Variants in MFSD6 observed in about 807,000 individuals in gnomAD.
MFSD6 encodes major facilitator superfamily domain containing 6.
MFSD6 carries 26 observed loss-of-function variants against 56.3 expected under a neutral mutation model. The observed-to-expected ratio is 0.46, with a 90% CI of 0.34 to 0.64. The LOEUF (loss-of-function observed/expected upper bound fraction) is 0.64, where lower values mean the gene tolerates loss of function less well. Among genes scored for constraint, MFSD6 ranks in the 30% least tolerant of loss-of-function variants. MFSD6 has a pLI of 0.01. For missense variants in MFSD6, 750 were observed against 986.2 expected (o/e 0.76, Z 3.21); for synonymous variants, 331 against 366.9 (o/e 0.90, Z 1.12).
At position 190,487,065 on chromosome 2, in the gene MFSD6, T is replaced by C. The variant is rs986340271; in HGVS notation, c.1631-1592T>C. On this transcript the variant is annotated intron_variant, in intron 4 of 7. Coordinates refer to ENST00000392328, the MANE Select transcript of MFSD6 (RefSeq NM_017694.4). The surrounding 1 kb of genome is among the most constrained non-coding windows in gnomAD (Gnocchi z 5.5). ...TAACTGAACTATATATTAAGAAGCA[T>C]GGCTGGGTGCAGTGGCTCACTAATC... 6.6e-6 allele frequency among the ~76,000 whole-genome samples: 1 copy of C among 152,196 alleles called. No individual in the cohort carries two copies. Among genetic ancestry groups the C allele is most frequent in the African/African-American group, 2.4e-5 (1 of 41,448 alleles).
In MFSD6 at chr2:190,431,549, A is replaced by C. The variant is rs1245917168; in HGVS notation, c.-53-4428A>C. Among the ~76,000 whole-genome samples, 1 of 152,210 alleles carries C rather than the reference A, an allele frequency of 6.6e-6. No homozygotes were observed. Among genetic ancestry groups the C allele is most frequent in the Non-Finnish European group, 1.5e-5 (1 of 68,034 alleles). ...GAAACCCCGTCTCCACCAAAAAAAT[A>C]CGAAAACCAGTCAGGTGTGGCGGCG... is the stretch of plus-strand genomic sequence containing the variant. On this transcript the variant is annotated intron_variant, in intron 2 of 7. Coordinates refer to ENST00000392328, the MANE Select transcript of MFSD6 (RefSeq NM_017694.4). This position sits in a 1 kb window ranked among gnomAD's most constrained non-coding sequence, Gnocchi z 4.4.
chr2:190,500,371 A>C lies in MFSD6; in HGVS notation c.*153A>C. On this transcript the variant is annotated 3_prime_UTR_variant, in exon 8 of 8. Coordinates refer to ENST00000392328, the MANE Select transcript of MFSD6 (RefSeq NM_017694.4). The surrounding 1 kb of genome is among the most constrained non-coding windows in gnomAD (Gnocchi z 5.3). ...AACTCATTAACATGGAAACACACAC[A>C]CAGGAGCTACAGTACATATTGGCAG... 1 of 741,384 alleles carries C rather than the reference A, an allele frequency of 1.3e-6. No individual in the cohort carries two copies. Among genetic ancestry groups the C allele is most frequent in the Non-Finnish European group, 2.2e-6 (1 of 461,026 alleles). 45.9% of individuals were successfully genotyped at this position (741,384 alleles called of 1,614,324 possible).
At position 190,497,134 on chromosome 2, in the gene MFSD6, G is replaced by C. The variant is rs1403020849; in HGVS notation, c.1892-305G>C. On this transcript the variant is annotated intron_variant, in intron 6 of 7. Transcript: ENST00000392328. This position sits in a 1 kb window ranked among gnomAD's most constrained non-coding sequence, Gnocchi z 5.2. ...CTTTTTAATCATAATCCTGTAAATG[G>C]GCCTAAGGCAACACTCATTATAACC... 6.6e-6 allele frequency among the ~76,000 whole-genome samples: 1 copy of C among 151,848 alleles called. No individual in the cohort carries two copies. The highest frequency in any genetic ancestry group is 2.4e-5 in the African/African-American group (1 of 41,322).
Position 190,462,799 on chromosome 2 carries a change from C to G in MFSD6, c.1533-6959C>G, listed in dbSNP as rs1205252036. On this transcript the variant is annotated intron_variant, in intron 3 of 7. Transcript: ENST00000392328. This position sits in a 1 kb window ranked among gnomAD's most constrained non-coding sequence, Gnocchi z 5.7. ...AGGGAGAGAGATACTGTCAGCCCTG[C>G]TACTTCTAGATAAGCACTTGGTCTG... is the stretch of plus-strand genomic sequence containing the variant. Among the ~76,000 whole-genome samples, 4 of 152,204 alleles carry G rather than the reference C, an allele frequency of 2.6e-5. No individual in the cohort carries two copies. Among genetic ancestry groups the G allele is most frequent in the Non-Finnish European group, 5.9e-5 (4 of 68,030 alleles).
intron 4 of MFSD6, among the ~76,000 whole-genome samples, chr2:190,481,919 CAG>C (rs1203490065): frequency 1.3e-5 from 2 of 152,348 alleles, no homozygotes; most frequent in South Asian, 4.1e-4. Context: ...CCAACTCTGA[CAG>C]AGAGACTGGC....
Position 190,458,501 on chromosome 2 carries a change from T to C in MFSD6, c.1533-11257T>C, listed in dbSNP as rs1687157280. Among the ~76,000 whole-genome samples, 1 of 152,188 alleles carries C rather than the reference T, an allele frequency of 6.6e-6. No homozygotes were observed. Among genetic ancestry groups the C allele is most frequent in the Admixed American group, 6.5e-5 (1 of 15,278 alleles). ...AGAACTGTGAGAAAATAAATTTCTG[T>C]TGTTGAAGCCACCCAGTCTGTGGTA... On this transcript the variant is annotated intron_variant, in intron 3 of 7. Transcript: ENST00000392328. This position sits in a 1 kb window ranked among gnomAD's most constrained non-coding sequence, Gnocchi z 5.3.
chr2:190,476,975 G>A (rs1222726129), intron 4 of MFSD6, among the ~76,000 whole-genome samples: 3 of 146,046 alleles, frequency 2.1e-5, no homozygotes, highest in Non-Finnish European at 3.0e-5. Context: ...AACACCGCAT[G>A]TTCTCACTCA....
In MFSD6 at chr2:190,497,334, T is replaced by C; in HGVS notation, c.1892-105T>C. 7.7e-7 allele frequency: 1 copy of C among 1,291,496 alleles called. No homozygotes were observed. The highest frequency in any genetic ancestry group is 1.1e-6 in the Non-Finnish European group (1 of 942,916). The allele number at this position is 1,291,496 out of a possible 1,614,324, so 80.0% of individuals were successfully genotyped here. ...GCAATTTATTAATATTATCAAGCAC[T>C]CTGGAATGGGTATATGGGATTCTTG... On this transcript the variant is annotated intron_variant, in intron 6 of 7. Coordinates refer to ENST00000392328, the MANE Select transcript of MFSD6 (RefSeq NM_017694.4). The surrounding 1 kb of genome is among the most constrained non-coding windows in gnomAD (Gnocchi z 5.2).
chr2:190,443,364 G>A lies in MFSD6; in HGVS notation c.1532+5803G>A, dbSNP rs190057773. On this transcript the variant is annotated intron_variant, in intron 3 of 7. Transcript: ENST00000392328. The surrounding 1 kb of genome is among the most constrained non-coding windows in gnomAD (Gnocchi z 4.2). ...GGATATTATTAGTACCTGCTTCTTA[G>A]GGTTTTTTATGAAGACTAGATGAGA... Among the ~76,000 whole-genome samples, 2 of 152,174 alleles carry A rather than the reference G, an allele frequency of 1.3e-5. No individual in the cohort carries two copies. Among genetic ancestry groups the A allele is most frequent in the Admixed American group, 1.3e-4 (2 of 15,286 alleles).
chr2:190,431,072 G>A lies in MFSD6; in HGVS notation c.-53-4905G>A, dbSNP rs1467242075. On this transcript the variant is annotated intron_variant, in intron 2 of 7. Transcript: ENST00000392328. This position sits in a 1 kb window ranked among gnomAD's most constrained non-coding sequence, Gnocchi z 4.4. ...CGCTCCTCACCTCCCAGACGGGGTC[G>A]CAGCCGGGCAGAGGCGCTCCTCACA... Among the ~76,000 whole-genome samples, 5 of 134,460 alleles carry A rather than the reference G, an allele frequency of 3.7e-5. No individual in the cohort carries two copies. Among genetic ancestry groups the A allele is most frequent in the South Asian group, 4.9e-4 (2 of 4,096 alleles). The allele number at this position is 134,460 out of a possible 152,430, so 88.2% of individuals were successfully genotyped here. A position where few individuals can be genotyped will look rare whatever the true frequency, so the allele number is the denominator to read the frequency against.
In MFSD6 at chr2:190,469,866, A is replaced by G. The variant is rs1471946946; in HGVS notation, c.1630+11A>G. The G allele has an allele frequency of 6.4e-7, 1 of 1,564,882 alleles. No individual in the cohort carries two copies. The highest frequency in any genetic ancestry group is 1.4e-5 in the African/African-American group (1 of 73,758). ...TGGAAGTTCTTCAAGGTAAGTTAAC[A>G]GCTGGGATTGAAATTATTTCTCTGC... On this transcript the variant is annotated intron_variant, in intron 4 of 7. Coordinates refer to ENST00000392328, the MANE Select transcript of MFSD6 (RefSeq NM_017694.4). This position sits in a 1 kb window ranked among gnomAD's most constrained non-coding sequence, Gnocchi z 5.3.
Position 190,500,855 on chromosome 2 carries a change from T to C in MFSD6, c.*637T>C, listed in dbSNP as rs1049510199. On this transcript the variant is annotated 3_prime_UTR_variant, in exon 8 of 8. Coordinates refer to ENST00000392328, the MANE Select transcript of MFSD6 (RefSeq NM_017694.4). The surrounding 1 kb of genome is among the most constrained non-coding windows in gnomAD (Gnocchi z 5.3). ...ATATGTGTATGGCATATAATGGAAA[T>C]AATTCTTTGAGCAACAGAAGCTATT... The C allele has an allele frequency of 1.3e-5, 2 of 152,206 alleles. No homozygotes were observed. The highest frequency in any genetic ancestry group is 2.9e-5 in the Non-Finnish European group (2 of 68,044). 9.4% of individuals were successfully genotyped at this position (152,206 alleles called of 1,614,324 possible).
Position 190,417,264 on chromosome 2 carries a change from A to T in MFSD6, c.-54+1851A>T, listed in dbSNP as rs1161490917. On this transcript the variant is annotated intron_variant, in intron 2 of 7. Coordinates refer to ENST00000392328, the MANE Select transcript of MFSD6 (RefSeq NM_017694.4). The surrounding 1 kb of genome is among the most constrained non-coding windows in gnomAD (Gnocchi z 5.7). ...CACAGGACTTCAGTACTGGATCATT[A>T]GCGGTAAGATCAGCACACCAAAATA... 1.3e-5 allele frequency among the ~76,000 whole-genome samples: 2 copies of T among 152,192 alleles called. No individual in the cohort carries two copies. Among genetic ancestry groups the T allele is most frequent in the African/African-American group, 4.8e-5 (2 of 41,440 alleles).
At position 190,447,265 on chromosome 2, in the gene MFSD6, T is replaced by C. The variant is rs1246870113; in HGVS notation, c.1532+9704T>C. On this transcript the variant is annotated intron_variant, in intron 3 of 7. Transcript: ENST00000392328. The surrounding 1 kb of genome is among the most constrained non-coding windows in gnomAD (Gnocchi z 4.5). ...ATTTCAATTTTGTTTTGTTTTGTTT[T>C]GCTTTTAGCCAAAAGGACAGCTGGC... is the stretch of plus-strand genomic sequence containing the variant. Among the ~76,000 whole-genome samples the C allele has an allele frequency of 1.3e-5, 2 of 152,238 alleles. No individual in the cohort carries two copies. The highest frequency in any genetic ancestry group is 2.9e-5 in the Non-Finnish European group (2 of 68,044).
chr2:190,454,753 G>A lies in MFSD6; in HGVS notation c.1533-15005G>A, dbSNP rs1686924297. Among the ~76,000 whole-genome samples, 1 of 152,046 alleles carries A rather than the reference G, an allele frequency of 6.6e-6. No individual in the cohort carries two copies. The highest frequency in any genetic ancestry group is 2.4e-5 in the African/African-American group (1 of 41,372). ...GGCAGCCCGAGCAAATTAATAATGTGTCTAAATAGAGTAAGGAGAGCCTGA... is the reference window on the plus strand; with the variant it reads ...GGCAGCCCGAGCAAATTAATAATGTATCTAAATAGAGTAAGGAGAGCCTGA... On this transcript the variant is annotated intron_variant, in intron 3 of 7. Transcript: ENST00000392328. This position sits in a 1 kb window ranked among gnomAD's most constrained non-coding sequence, Gnocchi z 4.6.
chr2:190,478,019 G>T (rs967803896), intron 4 of MFSD6, among the ~76,000 whole-genome samples: 2 of 152,170 alleles, frequency 1.3e-5, no homozygotes, highest in African/African-American at 4.8e-5. Context: ...TGGTGTGCCG[G>T]GGCTAGGGCT....
Position 190,487,998 on chromosome 2 carries a change from G to A in MFSD6, c.1631-659G>A, listed in dbSNP as rs1419547419. Among the ~76,000 whole-genome samples, 1 of 152,130 alleles carries A rather than the reference G, an allele frequency of 6.6e-6. No homozygotes were observed. Among genetic ancestry groups the A allele is most frequent in the African/African-American group, 2.4e-5 (1 of 41,424 alleles). The stretch of plus-strand genomic sequence containing the variant: ...GCTCACTGCAACCTCTGCCTCCTGG[G>A]TTCAAACGATTCCACTGCCTCAGCC... On this transcript the variant is annotated intron_variant, in intron 4 of 7. Coordinates refer to ENST00000392328, the MANE Select transcript of MFSD6 (RefSeq NM_017694.4). This position sits in a 1 kb window ranked among gnomAD's most constrained non-coding sequence, Gnocchi z 5.5.
rs1687322063 is a variant in MFSD6, at chr2:190,461,408, T to A, written c.1533-8350T>A. On this transcript the variant is annotated intron_variant, in intron 3 of 7. Transcript: ENST00000392328. The surrounding 1 kb of genome is among the most constrained non-coding windows in gnomAD (Gnocchi z 5.5). ...CATTATATGAGGTTCTAGTGTTGTA[T>A]CCTTTTAGAGATATTCTGTTCATAT... Among the ~76,000 whole-genome samples, 2 of 152,240 alleles carry A rather than the reference T, an allele frequency of 1.3e-5. No homozygotes were observed. The highest frequency in any genetic ancestry group is 4.1e-4 in the South Asian group (2 of 4,826).
chr2:190,452,283 CAACAAT>C (rs1334525053), intron 3 of MFSD6, among the ~76,000 whole-genome samples: 2 of 152,050 alleles, frequency 1.3e-5, no homozygotes, highest in African/African-American at 2.4e-5. Context: ...ACAACAACAA[CAACAAT>C]AACAAAACTC....
Sources: allele counts gnomAD v4.1 joint callset (sites outside exome capture counted in the v4.1 genomes callset), GRCh38; gene constraint gnomAD v4.1.1; non-coding constraint Gnocchi (gnomAD v3.1); transcripts MANE v1.5; gene names NCBI Gene and HGNC (gene_info 2026-07-23, HGNC 2026-07-21).